The following SEMA3C variants were observed in gnomAD, a reference collection of about 807,000 sequenced individuals.
The protein encoded by SEMA3C is semaphorin 3C, also known as semaphorin-3C.
SEMA3C carries 47 observed loss-of-function variants against 89.4 expected under a neutral mutation model. That is an observed-to-expected ratio of 0.53 (90% CI 0.42 to 0.67). The LOEUF (loss-of-function observed/expected upper bound fraction) is 0.67. Among genes scored for constraint, SEMA3C ranks in the 30% least tolerant of loss-of-function variants. The pLI, the probability that SEMA3C is intolerant of heterozygous loss-of-function variation, is 0.00. For missense variants in SEMA3C, 839 were observed against 929.1 expected, an observed-to-expected ratio of 0.90 and a Z score of 1.26; for synonymous variants, 310 against 320.2, an observed-to-expected ratio of 0.97 and a Z score of 0.34.
At chr7:80,811,577 G>A (rs1329303211) in intron 5 of SEMA3C, among the ~76,000 whole-genome samples, 1 of 151,782 alleles carries the variant, frequency 6.6e-6, no homozygotes, top group African/African-American at 2.4e-5. Flanking sequence ...ATTTTAATAA[G>A]GTCAAATAAG....
At chr7:80,795,367 T>C (rs536164808) in intron 11 of SEMA3C, among the ~76,000 whole-genome samples, 6 of 152,262 alleles carry the variant, frequency 3.9e-5, no homozygotes, top group African/African-American at 1.4e-4. Context: ...TCTCTAAGGA[T>C]CACTCATCTG....
chr7:80,906,587 A>G (rs538497307), intron 2 of SEMA3C, among the ~76,000 whole-genome samples: 58 of 152,338 alleles, frequency 3.8e-4, no homozygotes, highest in African/African-American at 1.3e-3. Flanking sequence ...ACAAGAGATC[A>G]ATTGCTAGAT....
At chr7:80,872,213 C>T (rs765688441) in intron 2 of SEMA3C, among the ~76,000 whole-genome samples, 43 of 152,070 alleles carry the variant, frequency 2.8e-4, no homozygotes, top group African/African-American at 9.9e-4. Flanking sequence ...TGCAGTGGCG[C>T]AATCTCGGCT....
chr7:80,865,875 C>G (rs569394771), intron 2 of SEMA3C, among the ~76,000 whole-genome samples: 1 of 152,070 alleles, frequency 6.6e-6, no homozygotes, highest in Non-Finnish European at 1.5e-5. Flanking sequence ...CTTCAATGAC[C>G]AGAATATTTT....
rs952592337 is a variant in SEMA3C, at chr7:80,745,062, T to C, written c.2088A>G (p.Ala696=). Residue 696 remains alanine (A), a synonymous_variant, in exon 18 of 18, where the codon GCA becomes GCG. Transcript: ENST00000265361. Reference sequence around the variant, plus strand: ...TCATCTGCATTTCTGAGTGGCTGAATGCCCCCATGATGTCCTTCGGGTGGA... The same window carrying C: ...TCATCTGCATTTCTGAGTGGCTGAACGCCCCCATGATGTCCTTCGGGTGGA... ...LPFHPKDIMG[A]FSHSEMQMIN... The C allele has an allele frequency of 1.2e-6, 2 of 1,614,106 alleles. No homozygotes were observed. Among genetic ancestry groups the C allele is most frequent in the Non-Finnish European group, 1.7e-6 (2 of 1,179,994 alleles).
At chr7:80,789,909 ATAT>A (rs769301390) in intron 11 of SEMA3C, among the ~76,000 whole-genome samples, 20 of 152,190 alleles carry the variant, frequency 1.3e-4, no homozygotes, top group African/African-American at 3.6e-4. Context: ...AAAATAAATT[ATAT>A]TATTATCATT....
chr7:80,808,678 T>C (rs1460426404), intron 6 of SEMA3C, among the ~76,000 whole-genome samples: 1 of 152,116 alleles, frequency 6.6e-6, no homozygotes, highest in East Asian at 1.9e-4. Flanking sequence ...GGTTGAAAGA[T>C]GAAATTTTAA....
At chr7:80,785,552 C>T (rs1583875429) in intron 12 of SEMA3C, among the ~76,000 whole-genome samples, 1 of 152,302 alleles carries the variant, frequency 6.6e-6, no homozygotes, top group East Asian at 1.9e-4. Flanking sequence ...AATCCTGGGA[C>T]AATGACCTGT....
intron 2 of SEMA3C, among the ~76,000 whole-genome samples, chr7:80,875,737 T>C (rs73374858): frequency 0.015 from 2,214 of 151,864 alleles, 53 homozygotes; most frequent in African/African-American, 0.047. Flanking sequence ...GTTTGTGATC[T>C]AGTAATCCGT....
At chr7:80,832,904 T>C (rs557036443) in intron 2 of SEMA3C, among the ~76,000 whole-genome samples, 1 of 152,190 alleles carries the variant, frequency 6.6e-6, no homozygotes, top group African/African-American at 2.4e-5. Flanking sequence ...ACTGATATTA[T>C]CTTTTGAGGG....
At chr7:80,919,255 G>A (rs1792357061), upstream of SEMA3C, 1 of 984,994 alleles carries the variant, frequency 1.0e-6, no homozygotes, top group South Asian at 4.7e-5. Context: ...GGCGGACCGG[G>A]CGGGGCCGAC....
intron 2 of SEMA3C, among the ~76,000 whole-genome samples, chr7:80,836,674 T>C (rs1419522946): frequency 6.9e-6 from 1 of 143,988 alleles, no homozygotes; most frequent in Non-Finnish European, 1.5e-5. Context: ...GGAGACTCCA[T>C]CTCAAAAACA....
intron 5 of SEMA3C, among the ~76,000 whole-genome samples, chr7:80,812,056 A>G (rs1789482918): frequency 6.6e-6 from 1 of 152,206 alleles, no homozygotes; most frequent in Admixed American, 6.5e-5. Context: ...GTAAATCCAA[A>G]CAACTATATA....
rs992584917 is a variant in SEMA3C at position 80,909,539 on chromosome 7, A to G, written c.103+7140T>C. Among the ~76,000 whole-genome samples, 31 of 152,222 alleles carry G rather than the reference A, an allele frequency of 2.0e-4. 1 individual carries two copies. The highest frequency in any genetic ancestry group is 3.4e-4 in the Non-Finnish European group (23 of 68,040). On this transcript the variant is annotated intron_variant, in intron 2 of 17. Transcript: ENST00000265361. ...TTTATTATCAAGAATCTTAAATGCT[A>G]GCAAGCGTTAAAGTTGAGTAAGGCA...
At chr7:80,870,142 C>T (rs532239676) in intron 2 of SEMA3C, among the ~76,000 whole-genome samples, 1 of 152,266 alleles carries the variant, frequency 6.6e-6, no homozygotes, top group Non-Finnish European at 1.5e-5. Flanking sequence ...CTGTGTGCTA[C>T]ATGAGCACTC....
intron 11 of SEMA3C, chr7:80,796,348 T>G (rs571602850): frequency 6.6e-6 from 1 of 152,316 alleles, no homozygotes; most frequent in East Asian, 1.9e-4. Context: ...TTAAATAATC[T>G]CTGCTTCTTA....
At chr7:80,914,819 ATTATTTT>A (rs1792231673) in intron 2 of SEMA3C, among the ~76,000 whole-genome samples, 1 of 152,202 alleles carries the variant, frequency 6.6e-6, no homozygotes, top group Admixed American at 6.5e-5. Flanking sequence ...TTAGGCATAT[ATTATTTT>A]AAATCCCATC....
chr7:80,874,675 C>A (rs918029052), intron 2 of SEMA3C, among the ~76,000 whole-genome samples: 5 of 151,898 alleles, frequency 3.3e-5, no homozygotes, highest in Admixed American at 2.6e-4. Flanking sequence ...ACCAGGTTGA[C>A]CAGGCTGGTC....
intron 2 of SEMA3C, among the ~76,000 whole-genome samples, chr7:80,868,325 C>T (rs1204078006): frequency 2.6e-5 from 4 of 151,994 alleles, no homozygotes; most frequent in Admixed American, 6.6e-5. Flanking sequence ...TGGAGTGCAG[C>T]GATGCAGTCT....
Sources: allele counts gnomAD v4.1 joint callset (sites outside exome capture counted in the v4.1 genomes callset), GRCh38; gene constraint gnomAD v4.1.1; transcripts MANE v1.5; gene names NCBI Gene and HGNC (gene_info 2026-07-23, HGNC 2026-07-21).